Variants in HS6ST3 observed in about 807,000 individuals in gnomAD.
HS6ST3 encodes heparan-sulfate 6-O-sulfotransferase 3.
Under a neutral mutation model 36.7 loss-of-function variants are expected in HS6ST3, and 12 were observed. The ratio of observed to expected loss-of-function variants is 0.33; its 90% CI spans 0.21 to 0.53. The LOEUF (loss-of-function observed/expected upper bound fraction) is 0.53. Among genes scored for constraint, HS6ST3 ranks in the 20% least tolerant of loss-of-function variants. The pLI, the probability that HS6ST3 is intolerant of heterozygous loss-of-function variation, is 0.95. For missense variants in HS6ST3, 584 were observed against 640.9 expected, an observed-to-expected ratio of 0.91 and a Z score of 0.96; for synonymous variants, 240 against 257.5, an observed-to-expected ratio of 0.93 and a Z score of 0.65.
At chr13:96,819,211 G>T (rs1878481718) in intron 1 of HS6ST3, among the ~76,000 whole-genome samples, 1 of 152,144 alleles carries the variant, frequency 6.6e-6, no homozygotes, top group Admixed American at 6.5e-5. Context: ...AGAAATGACA[G>T]AATAAGACTT....
At chr13:96,369,072 G>T (rs919706628) in intron 1 of HS6ST3, among the ~76,000 whole-genome samples, 2 of 151,886 alleles carry the variant, frequency 1.3e-5, no homozygotes, top group Admixed American at 1.3e-4. Context: ...CTGGTGTTGT[G>T]GGGGTGGGGA....
Position 96,130,192 on chromosome 13 carries a change from G to T in HS6ST3, c.707+38623G>T, listed in dbSNP as rs193061258. ...ATACTAGGGTTTTCAAACTTTACTT[G>T]GTAGGGAATCTTTTTTGTTTTTTAG... is the stretch of plus-strand genomic sequence containing the variant. On this transcript the variant is annotated intron_variant, in intron 1 of 1. Transcript: ENST00000376705. Among the ~76,000 whole-genome samples the T allele has an allele frequency of 3.7e-3, 568 of 152,230 alleles. 3 individuals are homozygous for T. Among genetic ancestry groups the T allele is most frequent in the African/African-American group, 0.013 (547 of 41,550 alleles).
At chr13:96,200,839 G>A (rs1056742913) in intron 1 of HS6ST3, among the ~76,000 whole-genome samples, 15 of 152,190 alleles carry the variant, frequency 9.9e-5, no homozygotes, top group African/African-American at 3.6e-4. Flanking sequence ...TTTAATACAT[G>A]ATCCTACTTT....
intron 1 of HS6ST3, among the ~76,000 whole-genome samples, chr13:96,335,919 G>C (rs2055098713): frequency 6.6e-6 from 1 of 152,106 alleles, no homozygotes; most frequent in Admixed American, 6.6e-5. Flanking sequence ...CGGTGCCTAG[G>C]AAGTATTATA....
chr13:96,511,894 G>T (rs1480295703), intron 1 of HS6ST3, among the ~76,000 whole-genome samples: 1 of 151,934 alleles, frequency 6.6e-6, no homozygotes, highest in Non-Finnish European at 1.5e-5. Context: ...ATACTCTGTT[G>T]GACAGGAATT....
At chr13:96,418,809 GGT>G (rs1167494610) in intron 1 of HS6ST3, among the ~76,000 whole-genome samples, 4 of 152,216 alleles carry the variant, frequency 2.6e-5, no homozygotes, top group Non-Finnish European at 5.9e-5. Context: ...TTTTGTGCCA[GGT>G]TCTTGCTTCT....
intron 1 of HS6ST3, among the ~76,000 whole-genome samples, chr13:96,699,828 G>T (rs2138451695): frequency 6.6e-6 from 1 of 152,340 alleles, no homozygotes; most frequent in Non-Finnish European, 1.5e-5. Flanking sequence ...CAATAGCAAA[G>T]ACTTGGAATT....
intron 1 of HS6ST3, among the ~76,000 whole-genome samples, chr13:96,356,484 A>T (rs1175297090): frequency 1.3e-5 from 2 of 152,192 alleles, no homozygotes; most frequent in Admixed American, 1.3e-4. Flanking sequence ...TAGCAGCATG[A>T]AAACAACATT....
intron 1 of HS6ST3, among the ~76,000 whole-genome samples, chr13:96,765,060 C>CTT (rs11423735): frequency 0.014 from 1,338 of 93,784 alleles, no homozygotes; most frequent in Middle Eastern, 0.023. Context: ...TTGTTTCTTT[C>CTT]TTTTTTTTTT....
At chr13:96,267,143 G>C (rs1163236960) in intron 1 of HS6ST3, among the ~76,000 whole-genome samples, 2 of 152,102 alleles carry the variant, frequency 1.3e-5, no homozygotes, top group Non-Finnish European at 2.9e-5. Flanking sequence ...ATGCTTTCTT[G>C]CCTGCCACCA....
intron 1 of HS6ST3, among the ~76,000 whole-genome samples, chr13:96,493,197 C>CA (rs2055955306): frequency 6.6e-6 from 1 of 151,828 alleles, no homozygotes; most frequent in Non-Finnish European, 1.5e-5. Context: ...TTATTAAACA[C>CA]AAAAAAAGAT....
chr13:96,427,315 G>A (rs1480144858), intron 1 of HS6ST3: 1 of 154,114 alleles, frequency 6.5e-6, no homozygotes, highest in African/African-American at 2.4e-5. Flanking sequence ...GCTATTGTGA[G>A]GATTAAATAA....
intron 1 of HS6ST3, among the ~76,000 whole-genome samples, chr13:96,685,641 C>T (rs192728012): frequency 2.0e-5 from 3 of 152,044 alleles, no homozygotes; most frequent in Non-Finnish European, 4.4e-5. Context: ...AATGTCCACC[C>T]GTCGGAGAGC....
intron 1 of HS6ST3, among the ~76,000 whole-genome samples, chr13:96,108,349 A>T (rs938714007): frequency 6.6e-6 from 1 of 152,178 alleles, no homozygotes; most frequent in Non-Finnish European, 1.5e-5. Context: ...AACTCTGTTA[A>T]GATGTTTATC....
intron 1 of HS6ST3, among the ~76,000 whole-genome samples, chr13:96,251,063 T>A (rs2054605628): frequency 6.6e-6 from 1 of 152,212 alleles, no homozygotes; most frequent in African/African-American, 2.4e-5. Flanking sequence ...TTTCTTGTAG[T>A]ATCCTCATCT....
At chr13:96,204,124 A>G (rs1322046028) in intron 1 of HS6ST3, among the ~76,000 whole-genome samples, 1 of 152,202 alleles carries the variant, frequency 6.6e-6, no homozygotes, top group East Asian at 1.9e-4. Flanking sequence ...CAAATGTCAG[A>G]TTAATATGTG....
In HS6ST3 at chr13:96,645,444, A is replaced by G. The variant is rs74107973; in HGVS notation, c.708-187046A>G. ...AGAGTCATAGCACTGGACTTTAAATACCTATGATTCCTTTTATCTAGTATC... is the reference window on the plus strand; with the variant it reads ...AGAGTCATAGCACTGGACTTTAAATGCCTATGATTCCTTTTATCTAGTATC... On this transcript the variant is annotated intron_variant, in intron 1 of 1. Transcript: ENST00000376705. Among the ~76,000 whole-genome samples the G allele has an allele frequency of 8.2e-3, 1,238 of 151,020 alleles. 19 individuals carry two copies. Among genetic ancestry groups the G allele is most frequent in the African/African-American group, 0.028 (1,151 of 41,106 alleles).
intron 1 of HS6ST3, among the ~76,000 whole-genome samples, chr13:96,512,059 T>C (rs2056052043): frequency 1.3e-5 from 2 of 152,198 alleles, no homozygotes; most frequent in South Asian, 2.1e-4. Flanking sequence ...TCTGTCTATA[T>C]AGAAAGACAT....
intron 1 of HS6ST3, among the ~76,000 whole-genome samples, chr13:96,702,104 G>A (rs561312106): frequency 2.7e-4 from 41 of 152,188 alleles, no homozygotes; most frequent in Non-Finnish European, 5.0e-4. Context: ...AAGGGAGATG[G>A]TAAGATGGAC....
Sources: allele counts gnomAD v4.1 joint callset (sites outside exome capture counted in the v4.1 genomes callset), GRCh38; gene constraint gnomAD v4.1.1; transcripts MANE v1.5; gene names NCBI Gene and HGNC (gene_info 2026-07-23, HGNC 2026-07-21).